Variants in MORC1 observed in about 807,000 individuals in gnomAD.
The protein encoded by MORC1 is MORC family CW-type zinc finger 1.
A neutral mutation model predicts 134.9 loss-of-function variants in MORC1; 59 were observed. The observed-to-expected ratio is 0.44, with a 90% confidence interval of 0.35 to 0.54. The LOEUF (loss-of-function observed/expected upper bound fraction) is 0.54. Among genes scored for constraint, MORC1 ranks in the 20% least tolerant of loss-of-function variants. The pLI is 0.00. For missense variants in MORC1, 947 were observed against 1,134.5 expected (o/e 0.83, Z 2.37); for synonymous variants, 395 against 391.7 (o/e 1.01, Z -0.10).
intron 17 of MORC1, among the ~76,000 whole-genome samples, chr3:109,009,841 C>T (rs1213059768): frequency 2.6e-5 from 4 of 151,988 alleles, no homozygotes; most frequent in African/African-American, 4.8e-5. Flanking sequence ...CAAGTTTTAC[C>T]GTTTTCCTGA....
At chr3:109,055,209 C>A (rs1185820135) in intron 13 of MORC1, among the ~76,000 whole-genome samples, 1 of 152,158 alleles carries the variant, frequency 6.6e-6, no homozygotes, top group Non-Finnish European at 1.5e-5. Flanking sequence ...TGCCTTACTG[C>A]AATAAAGGGC....
intron 21 of MORC1, among the ~76,000 whole-genome samples, chr3:108,992,263 C>T (rs1022550338): frequency 1.3e-4 from 20 of 152,334 alleles, no homozygotes; most frequent in Admixed American, 1.3e-4. Context: ...CTTGCTTCCA[C>T]ATCTCTGCCA....
chr3:109,115,012 G>A (rs1046023177), intron 1 of MORC1, among the ~76,000 whole-genome samples: 2 of 152,182 alleles, frequency 1.3e-5, no homozygotes, highest in Non-Finnish European at 2.9e-5. Flanking sequence ...CAGGTCCTCG[G>A]TAACAGAATG....
chr3:109,066,387 G>A, intron 9 of MORC1, among the ~76,000 whole-genome samples: 1 of 150,970 alleles, frequency 6.6e-6, no homozygotes, highest in Non-Finnish European at 1.5e-5. Flanking sequence ...CTGGGTTCAA[G>A]TGAGTCTCCT....
At chr3:109,059,708 A>T (rs1950036925) in intron 12 of MORC1, 98 bp downstream of exon 12, 6 of 982,910 alleles carry the variant, frequency 6.1e-6, no homozygotes, top group Non-Finnish European at 8.9e-6. Context: ...GCTGAAAAAA[A>T]ATTGTCACAA....
intron 8 of MORC1, among the ~76,000 whole-genome samples, chr3:109,070,010 C>T (rs1191128322): frequency 2.0e-5 from 3 of 152,182 alleles, no homozygotes; most frequent in Non-Finnish European, 4.4e-5. Flanking sequence ...TGGCAACCAA[C>T]TTATTCTAAG....
chr3:109,021,500 C>T (rs1351607159), intron 17 of MORC1, among the ~76,000 whole-genome samples: 1 of 152,188 alleles, frequency 6.6e-6, no homozygotes. Flanking sequence ...AATGTGTTCC[C>T]TCTGGACTCA....
At chr3:109,056,495 G>C (rs1441065065) in intron 13 of MORC1, among the ~76,000 whole-genome samples, 1 of 152,184 alleles carries the variant, frequency 6.6e-6, no homozygotes, top group Non-Finnish European at 1.5e-5. Context: ...CCAAAGCGCT[G>C]GGATTACAGG....
chr3:109,088,583 G>C (rs1242256169), intron 8 of MORC1, among the ~76,000 whole-genome samples: 1 of 152,170 alleles, frequency 6.6e-6, no homozygotes, highest in Non-Finnish European at 1.5e-5. Flanking sequence ...AGAGGCTGCA[G>C]AGAAAAGGGA....
intron 4 of MORC1, among the ~76,000 whole-genome samples, chr3:109,102,460 T>C (rs1480644534): frequency 6.6e-6 from 1 of 152,138 alleles, no homozygotes; most frequent in Non-Finnish European, 1.5e-5. Context: ...GGGAATGGAC[T>C]ATAAAGGGGC....
intron 10 of MORC1, among the ~76,000 whole-genome samples, chr3:109,062,316 C>T (rs1206666529): frequency 1.3e-5 from 2 of 151,980 alleles, no homozygotes; most frequent in Admixed American, 6.6e-5. Context: ...ACAGAAAATG[C>T]TTTAAAATCC....
intron 1 of MORC1, among the ~76,000 whole-genome samples, chr3:109,114,670 A>G (rs1017045447): frequency 6.6e-6 from 1 of 152,256 alleles, no homozygotes; most frequent in African/African-American, 2.4e-5. Context: ...CTAATAAAAT[A>G]AAAATTTAAG....
chr3:109,116,311 T>C (rs954286055), intron 1 of MORC1, among the ~76,000 whole-genome samples: 2 of 152,208 alleles, frequency 1.3e-5, no homozygotes, highest in Non-Finnish European at 2.9e-5. Context: ...TCTGGAGTAG[T>C]CTGGACAAGG....
In MORC1 at chr3:109,025,385, T is replaced by TC. The variant is rs1345312554; in HGVS notation, c.1704+2365_1704+2366insG. On this transcript the variant is annotated intron_variant, in intron 17 of 27. Transcript: ENST00000232603. Reference sequence around the variant, plus strand: ...TGGTTTCTTTTTCTTTTTTCTTTTTTTTTTTTTTTTTTTTTTTTTTGAGAC... The same window carrying TC: ...TGGTTTCTTTTTCTTTTTTCTTTTTTCTTTTTTTTTTTTTTTTTTTTGAGAC... 1.4e-3 allele frequency among the ~76,000 whole-genome samples: 114 copies of TC among 81,884 alleles called. 1 individual carries two copies. The highest frequency in any genetic ancestry group is 3.1e-3 in the African/African-American group (74 of 24,020). The allele number at this position is 81,884 out of a possible 152,430, so 53.7% of individuals were successfully genotyped here.
chr3:109,057,495 A>G lies in MORC1; in HGVS notation c.1032-9T>C. On this transcript the variant is annotated splice_polypyrimidine_tract_variant and intron_variant, in intron 12 of 27. Coordinates refer to ENST00000232603, the MANE Select transcript of MORC1 (RefSeq NM_014429.4). ...TTGCTGTTTTTAATTCTCTAGAGTT[A>G]CATTTAAAAAGTTTAAAAAGTTGTT... The G allele has an allele frequency of 2.5e-6, 4 of 1,574,566 alleles. No individual in the cohort carries two copies. The highest frequency in any genetic ancestry group is 3.4e-6 in the Non-Finnish European group (4 of 1,165,076).
chr3:108,997,261 T>C (rs1158564080), intron 21 of MORC1, among the ~76,000 whole-genome samples: 1 of 151,804 alleles, frequency 6.6e-6, no homozygotes, highest in Non-Finnish European at 1.5e-5. Context: ...AGGCTGGGCA[T>C]GGGGCTCATG....
intron 8 of MORC1, among the ~76,000 whole-genome samples, chr3:109,082,591 C>G (rs1307802108): frequency 6.6e-6 from 1 of 151,988 alleles, no homozygotes; most frequent in African/African-American, 2.4e-5. Flanking sequence ...ATTGAAATAA[C>G]TTAAAAATCA....
chr3:109,035,569 G>A, intron 14 of MORC1, 101 bp from the exon 15 acceptor site: 1 of 688,560 alleles, frequency 1.5e-6, no homozygotes, highest in South Asian at 2.2e-5. Context: ...TCTCAACTGT[G>A]TAAGTATTAA....
intron 21 of MORC1, among the ~76,000 whole-genome samples, chr3:108,987,350 A>C (rs371708010): frequency 6.6e-6 from 1 of 152,302 alleles, no homozygotes; most frequent in East Asian, 1.9e-4. Context: ...GGTTGCTGCA[A>C]AGCAGACAGA....
Sources: gnomAD v4.1 joint callset for allele counts (sites outside exome capture counted in the v4.1 genomes callset) on GRCh38, gnomAD v4.1.1 for gene constraint, MANE v1.5 for transcripts, NCBI Gene and HGNC (gene_info 2026-07-23, HGNC 2026-07-21) for gene names.